IGSF21: variants seen among roughly 807,000 people sequenced by gnomAD.
IGSF21 encodes immunoglobin superfamily member 21.
A neutral mutation model predicts 46.8 loss-of-function variants in IGSF21; 28 were observed. The ratio of observed to expected loss-of-function variants is 0.60; its 90% confidence interval spans 0.44 to 0.82. The LOEUF (loss-of-function observed/expected upper bound fraction) is 0.82, where lower values mean the gene tolerates loss of function less well. Among genes scored for constraint, IGSF21 ranks in the 40% least tolerant of loss-of-function variants. The probability of loss-of-function intolerance (pLI) is 0.00; values close to 1 mark genes in which losing one functional copy is unlikely to be tolerated. For missense variants in IGSF21, 624 were observed against 665.5 expected, an observed-to-expected ratio of 0.94 and a Z score of 0.69; for synonymous variants, 284 against 273.6, an observed-to-expected ratio of 1.04 and a Z score of -0.38.
At chr1:18,266,971 T>C (rs974234240) in intron 2 of IGSF21, among the ~76,000 whole-genome samples, 1 of 152,162 alleles carries the variant, frequency 6.6e-6, no homozygotes, top group Non-Finnish European at 1.5e-5. Flanking sequence ...TTTCAGGAAC[T>C]TCCAGGACTA....
At chr1:18,298,004 C>A (rs2085327766) in intron 3 of IGSF21, among the ~76,000 whole-genome samples, 3 of 152,076 alleles carry the variant, frequency 2.0e-5, no homozygotes. Context: ...GAGCACAGAT[C>A]TGTAGTATAA....
intron 4 of IGSF21, among the ~76,000 whole-genome samples, chr1:18,360,665 A>G (rs1467145601): frequency 6.6e-6 from 1 of 152,172 alleles, no homozygotes; most frequent in Non-Finnish European, 1.5e-5. Flanking sequence ...CAGAACTGAC[A>G]GCTTTTCCCA....
chr1:18,227,386 C>A (rs2084578724), intron 1 of IGSF21, among the ~76,000 whole-genome samples: 1 of 151,822 alleles, frequency 6.6e-6, no homozygotes, highest in Admixed American at 6.6e-5. Flanking sequence ...GGTGGTGGGG[C>A]TTAAGGGGTG....
At chr1:18,338,220 T>C (rs1433238001) in intron 4 of IGSF21, among the ~76,000 whole-genome samples, 1 of 152,164 alleles carries the variant, frequency 6.6e-6, no homozygotes, top group Non-Finnish European at 1.5e-5. Context: ...TGACAAATAG[T>C]AGTCGGGTCA....
At chr1:18,216,237 A>G (rs983226738) in intron 1 of IGSF21, among the ~76,000 whole-genome samples, 12 of 152,166 alleles carry the variant, frequency 7.9e-5, no homozygotes, top group Admixed American at 6.5e-5. Flanking sequence ...CAGCACAGGG[A>G]AAAATAATTG....
chr1:18,162,711 G>A (rs746300378), intron 1 of IGSF21, among the ~76,000 whole-genome samples: 14 of 152,218 alleles, frequency 9.2e-5, no homozygotes, highest in Non-Finnish European at 1.6e-4. Context: ...GTAAGTTGAG[G>A]AGCGTCTGCA....
intron 2 of IGSF21, among the ~76,000 whole-genome samples, chr1:18,261,861 A>G (rs549143338): frequency 3.9e-5 from 6 of 152,346 alleles, no homozygotes; most frequent in African/African-American, 7.2e-5. Context: ...TTTGGAGGTG[A>G]CGTCGGGAAG....
intron 1 of IGSF21, among the ~76,000 whole-genome samples, chr1:18,121,215 C>T (rs1466319079): frequency 6.6e-5 from 10 of 152,298 alleles, no homozygotes; most frequent in Admixed American, 3.3e-4. Flanking sequence ...TAACTTAGCA[C>T]TTTGGACCAC....
chr1:18,154,786 C>T (rs1247143015), intron 1 of IGSF21, among the ~76,000 whole-genome samples: 1 of 151,732 alleles, frequency 6.6e-6, no homozygotes, highest in African/African-American at 2.4e-5. Flanking sequence ...CCTCCCTTTC[C>T]CTCTTTCCCT....
chr1:18,309,496 G>A (rs965493874), intron 3 of IGSF21, among the ~76,000 whole-genome samples: 2 of 152,124 alleles, frequency 1.3e-5, no homozygotes, highest in African/African-American at 4.8e-5. Flanking sequence ...TAGGGTACTG[G>A]CCCTTCTCCA....
chr1:18,234,280 C>T (rs2084653733), intron 2 of IGSF21, among the ~76,000 whole-genome samples: 1 of 152,202 alleles, frequency 6.6e-6, no homozygotes, highest in Non-Finnish European at 1.5e-5. Context: ...TTCCCCAACC[C>T]CTGGCCTTCC....
chr1:18,211,836 C>A (rs2084395614), intron 1 of IGSF21, among the ~76,000 whole-genome samples: 1 of 152,212 alleles, frequency 6.6e-6, no homozygotes, highest in Non-Finnish European at 1.5e-5. Flanking sequence ...GCTCACACGT[C>A]TCTCCTCATG....
At chr1:18,370,178 A>T (rs1392045803) in intron 6 of IGSF21, among the ~76,000 whole-genome samples, 1 of 152,100 alleles carries the variant, frequency 6.6e-6, no homozygotes, top group African/African-American at 2.4e-5. Context: ...CTTTCACCCT[A>T]TCCTATTTCC....
chr1:18,211,410 G>A (rs1020995397), intron 1 of IGSF21, among the ~76,000 whole-genome samples: 1 of 152,240 alleles, frequency 6.6e-6, no homozygotes, highest in Non-Finnish European at 1.5e-5. Context: ...CATGTCTTAA[G>A]ACAATAGGTT....
chr1:18,305,872 C>T (rs115839666), intron 3 of IGSF21, among the ~76,000 whole-genome samples: 4,774 of 152,248 alleles, frequency 0.031, 240 homozygotes, highest in African/African-American at 0.11. Flanking sequence ...AGGAGATGAT[C>T]GGACACATTG....
At chr1:18,157,616 G>A (rs9659686) in intron 1 of IGSF21, among the ~76,000 whole-genome samples, 3 of 152,070 alleles carry the variant, frequency 2.0e-5, no homozygotes, top group African/African-American at 4.8e-5. Context: ...TGGTACACAC[G>A]TTAAGCAAGA....
At chr1:18,292,095 G>A in intron 3 of IGSF21, 108 bp downstream of exon 3, 1 of 1,199,792 alleles carries the variant, frequency 8.3e-7, no homozygotes, top group East Asian at 2.4e-5. Flanking sequence ...CGGTGCTCTT[G>A]GGCTTGGAAG....
In IGSF21 at chr1:18,231,921, T is replaced by TTGTG. The variant is rs2084629990; in HGVS notation, c.183+3911_183+3912insTGTG. ...CATTTGGTAACCTGACATCATTAGA[T>TTGTG]CGTGTGTGTGTGTGTGTGTGTGTGT... On this transcript the variant is annotated intron_variant, in intron 2 of 9. Transcript: ENST00000251296. Among the ~76,000 whole-genome samples, 66 of 48,680 alleles carry TTGTG rather than the reference T, an allele frequency of 1.4e-3. 1 individual carries two copies. The highest frequency in any genetic ancestry group is 0.012 in the Middle Eastern group (1 of 86). The allele number at this position is 48,680 out of a possible 152,430, so 31.9% of individuals were successfully genotyped here. A position where few individuals can be genotyped will look rare whatever the true frequency, so the allele number is the denominator to read the frequency against.
intron 1 of IGSF21, among the ~76,000 whole-genome samples, chr1:18,210,888 G>A (rs1041611173): frequency 4.0e-5 from 6 of 151,868 alleles, no homozygotes; most frequent in African/African-American, 1.2e-4. Context: ...ATTTTTTGGA[G>A]ACAGAGTCTC....
Sources: gnomAD v4.1 joint callset for allele counts (sites outside exome capture counted in the v4.1 genomes callset) on GRCh38, gnomAD v4.1.1 for gene constraint, MANE v1.5 for transcripts, NCBI Gene and HGNC (gene_info 2026-07-23, HGNC 2026-07-21) for gene names.